The following FHIT variants were observed in gnomAD, a reference collection of about 807,000 sequenced individuals.
FHIT encodes fragile histidine triad diadenosine triphosphatase, also known as bis(5'-adenosyl)-triphosphatase.
Under a neutral mutation model 17.9 loss-of-function variants are expected in FHIT, and 19 were observed. That is an observed-to-expected ratio of 1.06 (90% CI 0.74 to 1.56). The LOEUF (loss-of-function observed/expected upper bound fraction) is 1.56, where lower values mean the gene tolerates loss of function less well. Among genes scored for constraint, FHIT ranks in the 40% most tolerant of loss-of-function variants. FHIT has a pLI of 0.00. For synonymous variants in FHIT, 81 were observed against 69.7 expected (o/e 1.16, Z -0.81); for missense variants, 248 against 189.2 (o/e 1.31, Z -1.82).
intron 4 of FHIT, among the ~76,000 whole-genome samples, chr3:60,701,124 T>G (rs1192831951): frequency 1.5e-5 from 1 of 67,036 alleles, no homozygotes; most frequent in African/African-American, 6.3e-5. Flanking sequence ...GAAAAGACCC[T>G]TTTTTTTTTT....
intron 3 of FHIT, among the ~76,000 whole-genome samples, chr3:60,870,886 G>C (rs1342273863): frequency 1.3e-5 from 2 of 152,116 alleles, no homozygotes; most frequent in African/African-American, 4.8e-5. Context: ...TACCCCAGGA[G>C]AACTGCTTGG....
intron 5 of FHIT, among the ~76,000 whole-genome samples, chr3:60,130,784 G>GTGTGTGTGTGT (rs148356992): frequency 7.8e-4 from 87 of 111,722 alleles, no homozygotes; most frequent in African/African-American, 1.7e-3. Flanking sequence ...GTGTGTGTGT[G>GTGTGTGTGTGT]GTGTGTATAT....
chr3:59,866,208 T>G (rs915603154), intron 8 of FHIT, among the ~76,000 whole-genome samples: 3 of 151,810 alleles, frequency 2.0e-5, no homozygotes, highest in Non-Finnish European at 4.4e-5. Flanking sequence ...GAATCTGAGC[T>G]GAGTCATGAA....
At chr3:59,992,429 G>A (rs1387229068) in intron 7 of FHIT, among the ~76,000 whole-genome samples, 4 of 151,980 alleles carry the variant, frequency 2.6e-5, no homozygotes, top group Admixed American at 6.6e-5. Flanking sequence ...CAATTGGACC[G>A]ATAAGTACAG....
At chr3:60,839,419 G>C (rs1041012487) in intron 3 of FHIT, among the ~76,000 whole-genome samples, 1 of 152,162 alleles carries the variant, frequency 6.6e-6, no homozygotes, top group African/African-American at 2.4e-5. Flanking sequence ...AGTGAGTGAA[G>C]CAGCATGCAA....
intron 1 of FHIT, among the ~76,000 whole-genome samples, chr3:61,206,864 G>C (rs1334654065): frequency 6.6e-6 from 1 of 152,112 alleles, no homozygotes; most frequent in African/African-American, 2.4e-5. Context: ...TATTGAATAG[G>C]AGTGGTGAGA....
At chr3:59,878,067 T>C (rs571252801) in intron 8 of FHIT, among the ~76,000 whole-genome samples, 1 of 152,326 alleles carries the variant, frequency 6.6e-6, no homozygotes, top group East Asian at 1.9e-4. Context: ...TTAATAGTTG[T>C]ACCATTATTA....
At chr3:60,842,043 G>A (rs989132030) in intron 3 of FHIT, among the ~76,000 whole-genome samples, 1 of 151,848 alleles carries the variant, frequency 6.6e-6, no homozygotes, top group Non-Finnish European at 1.5e-5. Context: ...CTCCAAGGAC[G>A]CTCCGAGGGC....
intron 8 of FHIT, among the ~76,000 whole-genome samples, chr3:59,877,572 G>A (rs907173205): frequency 2.0e-5 from 3 of 152,218 alleles, no homozygotes; most frequent in African/African-American, 7.2e-5. Context: ...AATACGAGTG[G>A]AGAGGAGGTC....
chr3:59,829,024 CA>C (rs574309084), intron 8 of FHIT, among the ~76,000 whole-genome samples: 1 of 151,154 alleles, frequency 6.6e-6, no homozygotes, highest in East Asian at 1.9e-4. Context: ...AAGAAACAAC[CA>C]AAAAAAAGAT....
chr3:60,563,277 G>A (rs2037018839), intron 4 of FHIT, among the ~76,000 whole-genome samples: 1 of 152,184 alleles, frequency 6.6e-6, no homozygotes, highest in Non-Finnish European at 1.5e-5. Context: ...GAATAGAAAT[G>A]TGGGGCAGCA....
chr3:59,949,398 G>A (rs1299891363), intron 7 of FHIT, among the ~76,000 whole-genome samples: 1 of 152,100 alleles, frequency 6.6e-6, no homozygotes, highest in African/African-American at 2.4e-5. Flanking sequence ...GCTAACATTT[G>A]GGCACCTATC....
At chr3:61,194,499 C>T (rs1210313324) in intron 2 of FHIT, among the ~76,000 whole-genome samples, 1 of 152,112 alleles carries the variant, frequency 6.6e-6, no homozygotes. Flanking sequence ...AACTGTACAA[C>T]AGGTAGTTCT....
chr3:60,418,376 GTATA>G (rs869203310), intron 5 of FHIT, among the ~76,000 whole-genome samples: 159 of 14,850 alleles, frequency 0.011, 1 homozygote, highest in African/African-American at 0.031. Context: ...CTGAATGTGT[GTATA>G]TATATATATA....
chr3:60,675,653 C>G (rs954826694), intron 4 of FHIT, among the ~76,000 whole-genome samples: 1 of 152,174 alleles, frequency 6.6e-6, no homozygotes. Context: ...AGTCTGCTCT[C>G]TTTTGCAATA....
At chr3:60,696,220 T>C (rs1235450542) in intron 4 of FHIT, among the ~76,000 whole-genome samples, 2 of 152,152 alleles carry the variant, frequency 1.3e-5, no homozygotes, top group Non-Finnish European at 2.9e-5. Context: ...ACACTGAATG[T>C]TTTTATACAC....
Position 60,797,357 on chromosome 3 carries a change from C to T in FHIT, c.-18+24562G>A, listed in dbSNP as rs545379648. 6.6e-5 allele frequency among the ~76,000 whole-genome samples: 10 copies of T among 152,042 alleles called. No individual in the cohort carries two copies. In the East Asian group the frequency reaches 1.7e-3, roughly 26 times the overall value. On this transcript the variant is annotated intron_variant, in intron 4 of 9. Transcript: ENST00000492590. ...CTGCAGACAATAGAGATGTACACTG[C>T]TTTTGTGGTAGGGACAGGATTTGAG...
At chr3:60,272,056 C>G (rs1706891626) in intron 5 of FHIT, among the ~76,000 whole-genome samples, 1 of 151,924 alleles carries the variant, frequency 6.6e-6, no homozygotes, top group South Asian at 2.1e-4. Flanking sequence ...CAGCCTGGTT[C>G]CAGAGCTCAA....
intron 2 of FHIT, among the ~76,000 whole-genome samples, chr3:61,084,667 T>C (rs1408261561): frequency 6.6e-6 from 1 of 152,240 alleles, no homozygotes. Context: ...AATACATTTA[T>C]TGAGGTAAAA....
Sources: allele counts gnomAD v4.1 joint callset (sites outside exome capture counted in the v4.1 genomes callset), GRCh38; gene constraint gnomAD v4.1.1; transcripts MANE v1.5; gene names NCBI Gene and HGNC (gene_info 2026-07-23, HGNC 2026-07-21).